CORIN: variants seen among roughly 807,000 people sequenced by gnomAD.
CORIN encodes the protein atrial natriuretic peptide-converting enzyme.
CORIN carries 117 observed loss-of-function variants against 125.3 expected under a neutral mutation model. That is an observed-to-expected ratio of 0.93 (90% CI 0.80 to 1.09). CORIN has a LOEUF of 1.09. CORIN is among the 50% of genes least tolerant of loss of function. The pLI, the probability that CORIN is intolerant of heterozygous loss-of-function variation, is 0.00. For missense variants in CORIN, 1,253 were observed against 1,306.7 expected, an observed-to-expected ratio of 0.96 and a Z score of 0.63; for synonymous variants, 450 against 466.4, an observed-to-expected ratio of 0.96 and a Z score of 0.45.
intron 4 of CORIN, among the ~76,000 whole-genome samples, chr4:47,753,147 G>A (rs1047399864): frequency 6.6e-5 from 10 of 152,188 alleles, no homozygotes; most frequent in South Asian, 2.1e-4. Context: ...TGGTAGATCC[G>A]TGATGTCCCC....
chr4:47,691,584 T>A (rs920357676), intron 6 of CORIN, among the ~76,000 whole-genome samples: 2 of 152,134 alleles, frequency 1.3e-5, no homozygotes, highest in African/African-American at 2.4e-5. Context: ...AATGAATAAA[T>A]AAAGGTGAAG....
At chr4:47,619,360 T>A (rs1722210156) in intron 19 of CORIN, among the ~76,000 whole-genome samples, 1 of 152,214 alleles carries the variant, frequency 6.6e-6, no homozygotes, top group Admixed American at 6.5e-5. Flanking sequence ...TATCAAAGTA[T>A]GGGATCAGGA....
At chr4:47,645,290 T>C (rs1242259904) in intron 13 of CORIN, 96 bp from the exon 14 acceptor site, 1 of 759,762 alleles carries the variant, frequency 1.3e-6, no homozygotes, top group Non-Finnish European at 2.2e-6. Context: ...AAAGGCATGA[T>C]GTTGGCAGGG....
intron 5 of CORIN, among the ~76,000 whole-genome samples, chr4:47,720,721 AT>A (rs1727307248): frequency 6.6e-6 from 1 of 152,186 alleles, no homozygotes; most frequent in Non-Finnish European, 1.5e-5. Flanking sequence ...GCAAGAGATG[AT>A]TTTTAAATAA....
intron 2 of CORIN, among the ~76,000 whole-genome samples, chr4:47,789,786 T>C (rs1254915076): frequency 5.9e-5 from 9 of 152,134 alleles, no homozygotes. Flanking sequence ...TTTGGGAGGC[T>C]GAGGCAGGCG....
chr4:47,678,155 C>T, intron 8 of CORIN, 101 bp from the exon 9 acceptor site: 1 of 836,966 alleles, frequency 1.2e-6, no homozygotes, highest in Non-Finnish European at 2.1e-6. Context: ...CGCTAAGAAA[C>T]AAGGTGTTCT....
chr4:47,804,140 C>A (rs1731663881), intron 2 of CORIN, among the ~76,000 whole-genome samples: 1 of 152,084 alleles, frequency 6.6e-6, no homozygotes, highest in Non-Finnish European at 1.5e-5. Context: ...AAATGCAAAT[C>A]AAAACTACAA....
chr4:47,765,584 T>A (rs1479014895), intron 3 of CORIN, among the ~76,000 whole-genome samples: 1 of 152,190 alleles, frequency 6.6e-6, no homozygotes, highest in African/African-American at 2.4e-5. Context: ...TGGTAGCTAT[T>A]GTCAAATTCC....
intron 3 of CORIN, among the ~76,000 whole-genome samples, chr4:47,785,293 A>G (rs1473039595): frequency 6.6e-6 from 1 of 152,030 alleles, no homozygotes; most frequent in Non-Finnish European, 1.5e-5. Context: ...TTCCATACAA[A>G]TCCACTCCCA....
At chr4:47,833,477 T>A (rs1418118407) in intron 1 of CORIN, among the ~76,000 whole-genome samples, 1 of 149,176 alleles carries the variant, frequency 6.7e-6, no homozygotes, top group Non-Finnish European at 1.5e-5. Flanking sequence ...ATCTTGACAT[T>A]GATCTCGGCG....
intron 1 of CORIN, among the ~76,000 whole-genome samples, chr4:47,814,958 A>G (rs2109964449): frequency 6.6e-6 from 1 of 152,284 alleles, no homozygotes; most frequent in East Asian, 1.9e-4. Flanking sequence ...ACTAAATACC[A>G]ACAAAATATG....
intron 9 of CORIN, among the ~76,000 whole-genome samples, chr4:47,676,764 C>A (rs1725036905): frequency 6.6e-6 from 1 of 152,052 alleles, no homozygotes; most frequent in Admixed American, 6.6e-5. Flanking sequence ...ATCTACAAAG[C>A]CTGCCATTTC....
chr4:47,644,983 G>C (rs781703669), intron 14 of CORIN, 98 bp downstream of exon 14: 4 of 637,924 alleles, frequency 6.3e-6, no homozygotes, highest in Admixed American at 5.6e-5. Flanking sequence ...TAAAAGATTT[G>C]TATGCATATT....
chr4:47,677,290 G>C (rs987388447), intron 9 of CORIN, among the ~76,000 whole-genome samples: 1 of 152,118 alleles, frequency 6.6e-6, no homozygotes, highest in African/African-American at 2.4e-5. Flanking sequence ...TGGGTATCAG[G>C]GCTGCAACAA....
intron 16 of CORIN, among the ~76,000 whole-genome samples, chr4:47,632,935 C>A (rs1722897953): frequency 6.6e-6 from 1 of 152,096 alleles, no homozygotes; most frequent in South Asian, 2.1e-4. Context: ...CTCATGCGAC[C>A]ACGCCCGGCT....
intron 1 of CORIN, among the ~76,000 whole-genome samples, chr4:47,831,146 G>A (rs1291815738): frequency 1.3e-5 from 2 of 152,166 alleles, no homozygotes; most frequent in Non-Finnish European, 1.5e-5. Flanking sequence ...ATCACCTACA[G>A]GACAACCTTG....
chr4:47,830,912 C>T (rs973353363), intron 1 of CORIN, among the ~76,000 whole-genome samples: 3 of 152,150 alleles, frequency 2.0e-5, no homozygotes, highest in African/African-American at 7.2e-5. Context: ...CAAAGTGCTA[C>T]AAACAAAAAG....
At chr4:47,674,738 C>T (rs1724936314) in intron 9 of CORIN, among the ~76,000 whole-genome samples, 1 of 152,120 alleles carries the variant, frequency 6.6e-6, no homozygotes. Flanking sequence ...ACAAACTACA[C>T]TAAAAACAGG....
At chr4:47,802,908 C>T (rs764560825) in intron 2 of CORIN, among the ~76,000 whole-genome samples, 5 of 152,112 alleles carry the variant, frequency 3.3e-5, no homozygotes, top group Non-Finnish European at 7.4e-5. Flanking sequence ...AGGCTCAGCA[C>T]AGGGAGAGAG....
Sources: allele counts gnomAD v4.1 joint callset (sites outside exome capture counted in the v4.1 genomes callset), GRCh38; gene constraint gnomAD v4.1.1; transcripts MANE v1.5; gene names NCBI Gene and HGNC (gene_info 2026-07-23, HGNC 2026-07-21).